Variants in ZNF585A observed in about 807,000 individuals in gnomAD.
ZNF585A encodes zinc finger protein 585A.
A neutral mutation model predicts 14.9 loss-of-function variants in ZNF585A; 9 were observed. The observed-to-expected ratio is 0.60, with a 90% CI of 0.36 to 1.05. The LOEUF is 1.05. Among genes scored for constraint, ZNF585A ranks in the 50% least tolerant of loss-of-function variants. The probability of loss-of-function intolerance (pLI) is 0.01; values close to 1 mark genes in which losing one functional copy is unlikely to be tolerated. For missense variants in ZNF585A, 726 were observed against 926.4 expected, an observed-to-expected ratio of 0.78 and a Z score of 2.81; for synonymous variants, 276 against 319.9, an observed-to-expected ratio of 0.86 and a Z score of 1.46.
In ZNF585A at chr19:37,148,933, G is replaced by A. The variant is rs1017237119; in HGVS notation, c.*2656C>T. 1 of 152,152 alleles carries A rather than the reference G, an allele frequency of 6.6e-6. No homozygotes were observed. Among genetic ancestry groups the A allele is most frequent in the African/African-American group, 2.4e-5 (1 of 41,436 alleles). 9.4% of individuals were successfully genotyped at this position (152,152 alleles called of 1,614,324 possible). ...ACACACTGTATAATTTCAACTATAT[G>A]ATATAAAAGATCAAAGGTAAAACTA... On this transcript the variant is annotated 3_prime_UTR_variant, in exon 5 of 5. Transcript: ENST00000292841.
rs1045252256 is a variant in ZNF585A at position 37,147,998 on chromosome 19, T to A, written c.*3591A>T. ...GTGAACATCTGAGTATAGGTTTTCA[T>A]GTAAACAGAATTTTTCTTTCATCTA... On this transcript the variant is annotated 3_prime_UTR_variant, in exon 5 of 5. Coordinates refer to ENST00000292841, the MANE Select transcript of ZNF585A (RefSeq NM_001288800.2). The A allele has an allele frequency of 1.3e-5, 2 of 152,230 alleles. No homozygotes were observed. Among genetic ancestry groups the A allele is most frequent in the Non-Finnish European group, 2.9e-5 (2 of 68,054 alleles). The allele number at this position is 152,230 out of a possible 1,614,324, so 9.4% of individuals were successfully genotyped here.
At chr19:37,168,676 A>G (rs537633635) in intron 2 of ZNF585A, among the ~76,000 whole-genome samples, 44 of 152,368 alleles carry the variant, frequency 2.9e-4, no homozygotes, top group African/African-American at 8.7e-4. Flanking sequence ...AAATTCAGCT[A>G]GAAGATTCTT....
rs767872804 is a variant in ZNF585A, at chr19:37,152,836, T to C, written c.1063A>G (p.Ile355Val). ...KKVQSREKSS[I>V]CTECGKAFTY... ...AAGGCCTTCCCACACTCAGTACATATGGAAGATTTCTCTCTACTTTGAACT... is the reference window on the plus strand; with the variant it reads ...AAGGCCTTCCCACACTCAGTACATACGGAAGATTTCTCTCTACTTTGAACT... Residue 355 changes from isoleucine to valine, a missense_variant, in exon 5 of 5, where the codon ATA becomes GTA. Physicochemically the swap from Ile to Val is conservative, Grantham distance 29. Coordinates refer to ENST00000292841, the MANE Select transcript of ZNF585A (RefSeq NM_001288800.2). The C allele has an allele frequency of 8.7e-6, 14 of 1,614,088 alleles. No homozygotes were observed. The highest frequency in any genetic ancestry group is 1.3e-5 in the African/African-American group (1 of 74,916).
intron 2 of ZNF585A, among the ~76,000 whole-genome samples, chr19:37,160,781 A>G (rs1972001461): frequency 6.6e-6 from 1 of 152,200 alleles, no homozygotes; most frequent in Admixed American, 6.5e-5. Context: ...ATGACCATTA[A>G]ATTAATTTAA....
rs1430559266 is a variant in ZNF585A at position 37,149,541 on chromosome 19, A to G, written c.*2048T>C. On this transcript the variant is annotated 3_prime_UTR_variant, in exon 5 of 5. Transcript: ENST00000292841. ...ATTGGGCCCTGCTGGCTTGGATCCC[A>G]TCCATCATGTGACCCAAAAAAAGTC... is the stretch of plus-strand genomic sequence containing the variant. The G allele has an allele frequency of 6.6e-6, 1 of 152,116 alleles. No homozygotes were observed. The highest frequency in any genetic ancestry group is 1.5e-5 in the Non-Finnish European group (1 of 68,022). The allele number at this position is 152,116 out of a possible 1,614,324, so 9.4% of individuals were successfully genotyped here.
chr19:37,165,345 C>G (rs1972072288), intron 2 of ZNF585A: 2 of 142,708 alleles, frequency 1.4e-5, no homozygotes, highest in South Asian at 4.4e-4. Context: ...GACTACAGAG[C>G]AAGACTATGT....
At chr19:37,161,656 C>T (rs897284513) in intron 2 of ZNF585A, among the ~76,000 whole-genome samples, 22 of 152,264 alleles carry the variant, frequency 1.4e-4, no homozygotes, top group African/African-American at 5.1e-4. Context: ...TCTCCTTTTC[C>T]TCCTACTCCT....
At chr19:37,171,832 G>C (rs894776214) in intron 1 of ZNF585A, among the ~76,000 whole-genome samples, 1 of 152,034 alleles carries the variant, frequency 6.6e-6, no homozygotes, top group African/African-American at 2.4e-5. Flanking sequence ...GAACCCACTA[G>C]GCAGAGGTTG....
chr19:37,166,389 G>A (rs1381264105), intron 2 of ZNF585A, among the ~76,000 whole-genome samples: 2 of 148,290 alleles, frequency 1.3e-5, no homozygotes, highest in East Asian at 4.0e-4. Flanking sequence ...GCACAATCTC[G>A]GCTCACTACA....
In ZNF585A at chr19:37,153,468, T is replaced by A. The variant is rs117499166; in HGVS notation, c.431A>T (p.Gln144Leu). Residue 144 changes from glutamine (Q) to leucine (L), a missense_variant, in exon 5 of 5, where the codon CAG becomes CTG. By Grantham distance (113) the Gln-to-Leu change is moderately radical. Around this residue, in one of 2 missense-constraint regions of ZNF585A, gnomAD observed 483 missense variants for 542.8 expected, o/e 0.89. Coordinates refer to ENST00000292841, the MANE Select transcript of ZNF585A (RefSeq NM_001288800.2). ...AAGAACTTTCAGGTGTACTTTGAGC[T>A]GTGACTTCTGGGTGAATATCTTTTC... ...KFEKIFTQKS[Q>L]LKVHLKVLAG... The A allele has an allele frequency of 0.018, 29,007 of 1,614,180 alleles. 337 individuals are homozygous for A. Among genetic ancestry groups the A allele is most frequent in the Non-Finnish European group, 0.022 (26,382 of 1,180,026 alleles).
In ZNF585A at chr19:37,152,104, T is replaced by C. The variant is rs374744063; in HGVS notation, c.1795A>G (p.Ile599Val). 1.8e-5 allele frequency: 29 copies of C among 1,603,866 alleles called. No individual in the cohort carries two copies. The highest frequency in any genetic ancestry group is 2.4e-5 in the Non-Finnish European group (28 of 1,173,620). Residue 599 changes from isoleucine (I) to valine (V), a missense_variant, in exon 5 of 5, where the codon ATT becomes GTT. Ile to Val is a conservative substitution (Grantham distance 29). Around this residue, in one of 2 missense-constraint regions of ZNF585A, gnomAD observed 243 missense variants for 383.6 expected, o/e 0.63. Transcript: ENST00000292841. ...RKSNFITHQR[I>V]HTGEKPYECS... ...TCATAAGGCTTCTCTCCAGTATGAA[T>C]TCTTTGATGAGTAATAAAGTTTGAC...
rs1971824876 is a variant in ZNF585A at position 37,151,284 on chromosome 19, TTAG to T, written c.*302_*304del. 2.2e-6 allele frequency: 1 copy of T among 448,902 alleles called. No individual in the cohort carries two copies. The highest frequency in any genetic ancestry group is 2.0e-5 in the African/African-American group (1 of 50,276). The allele number at this position is 448,902 out of a possible 1,614,324, so 27.8% of individuals were successfully genotyped here. A position where few individuals can be genotyped will look rare whatever the true frequency, so the allele number is the denominator to read the frequency against. ...TATCGTTAACTTAATACGATCTTTCTTAGGAAGAATTTGGTAACAGTATTCTAT... is the reference window on the plus strand; with the variant it reads ...TATCGTTAACTTAATACGATCTTTCTGAAGAATTTGGTAACAGTATTCTAT... On this transcript the variant is annotated 3_prime_UTR_variant, in exon 5 of 5. Coordinates refer to ENST00000292841, the MANE Select transcript of ZNF585A (RefSeq NM_001288800.2).
chr19:37,154,626 T>G (rs928194212), intron 4 of ZNF585A, among the ~76,000 whole-genome samples: 5 of 151,558 alleles, frequency 3.3e-5, no homozygotes, highest in Admixed American at 2.6e-4. Flanking sequence ...TTAATTATGT[T>G]AAAGACAGCA....
At chr19:37,170,857 G>A (rs1972170572) in intron 1 of ZNF585A, among the ~76,000 whole-genome samples, 1 of 152,142 alleles carries the variant, frequency 6.6e-6, no homozygotes, top group African/African-American at 2.4e-5. Context: ...TACTTGTAAA[G>A]TACTCAACAC....
chr19:37,160,173 T>C (rs1360749738), intron 2 of ZNF585A, among the ~76,000 whole-genome samples: 1 of 151,346 alleles, frequency 6.6e-6, no homozygotes, highest in Non-Finnish European at 1.5e-5. Flanking sequence ...TCTCCATCAA[T>C]AATACAAAAA....
rs369195639 is a variant in ZNF585A, at chr19:37,151,975, C to T, written c.1924G>A (p.Ala642Thr). The T allele has an allele frequency of 1.2e-5, 19 of 1,613,964 alleles. No homozygotes were observed. The highest frequency in any genetic ancestry group is 1.6e-5 in the Non-Finnish European group (19 of 1,180,028). Residue 642 changes from alanine (A) to threonine (T), a missense_variant, in exon 5 of 5, where the codon GCC becomes ACC. Physicochemically the swap from Ala to Thr is moderately conservative, Grantham distance 58 (BLOSUM62 0). This residue lies in a region of ZNF585A where 243 missense variants were observed against 383.6 expected (regional missense o/e 0.63). Transcript: ENST00000292841. Reference protein sequence around the residue: ...KPYVCAECGKAFSGRSNLSKH... With the variant: ...KPYVCAECGKTFSGRSNLSKH... ...CTGAGATTTGACCTGCCACTAAAGG[C>T]CTTCCCGCACTCGGCACACACATAG...
chr19:37,159,987 T>A (rs1424779740), intron 2 of ZNF585A, among the ~76,000 whole-genome samples: 1 of 152,022 alleles, frequency 6.6e-6, no homozygotes, highest in East Asian at 1.9e-4. Flanking sequence ...AAGGATTACA[T>A]TAGAAAAGGG....
At position 37,145,970 on chromosome 19, in the gene ZNF585A, CAATAT is replaced by C. The variant is rs1405290521; in HGVS notation, c.*5614_*5618del. On this transcript the variant is annotated 3_prime_UTR_variant, in exon 5 of 5. Coordinates refer to ENST00000292841, the MANE Select transcript of ZNF585A (RefSeq NM_001288800.2). ...TTATATTTAAAACCATTAATAGAAA[CAATAT>C]AATTATAGAATTAAGTAAAACTGTA... 1 of 152,042 alleles carries C rather than the reference CAATAT, an allele frequency of 6.6e-6. No individual in the cohort carries two copies. The highest frequency in any genetic ancestry group is 6.5e-5 in the Admixed American group (1 of 15,268). The allele number at this position is 152,042 out of a possible 1,614,324, so 9.4% of individuals were successfully genotyped here. A position where few individuals can be genotyped will look rare whatever the true frequency, so the allele number is the denominator to read the frequency against.
In ZNF585A at chr19:37,151,862, T is replaced by G. The variant is rs748750730; in HGVS notation, c.2037A>C (p.Thr679=). The G allele has an allele frequency of 8.7e-6, 14 of 1,610,360 alleles. No individual in the cohort carries two copies. Among genetic ancestry groups the G allele is most frequent in the Non-Finnish European group, 8.5e-7 (1 of 1,178,704 alleles). The change falls in exon 5 of 5, where the codon ACA becomes ACC. Residue 679 remains threonine (T), a synonymous_variant. Coordinates refer to ENST00000292841, the MANE Select transcript of ZNF585A (RefSeq NM_001288800.2). The part of the protein sequence containing the change: ...KTFRQKSELI[T]HHRIHTGEKP... The stretch of plus-strand genomic sequence containing the variant: ...TCTCTCCAGTATGAATTCTGTGATG[T>G]GTAATCAACTCTGACTTCTGTCGAA...
Sources: allele counts gnomAD v4.1 joint callset (sites outside exome capture counted in the v4.1 genomes callset), GRCh38; gene constraint gnomAD v4.1.1; regional missense constraint gnomAD v4.1.1; transcripts MANE v1.5; gene names NCBI Gene and HGNC (gene_info 2026-07-23, HGNC 2026-07-21).